Variants in GABRG3 observed in about 807,000 individuals in gnomAD.
GABRG3 encodes the protein gamma-aminobutyric acid type A receptor subunit gamma3.
In GABRG3, 25 loss-of-function variants were observed where a neutral mutation model predicts 48.8. The ratio of observed to expected loss-of-function variants is 0.51; its 90% CI spans 0.37 to 0.72. GABRG3 has a LOEUF of 0.72. Among genes scored for constraint, GABRG3 ranks in the 30% least tolerant of loss-of-function variants. The probability of loss-of-function intolerance (pLI) is 0.00; values close to 1 mark genes in which losing one functional copy is unlikely to be tolerated. For missense variants in GABRG3, 394 were observed against 577.9 expected (o/e 0.68, Z 3.26); for synonymous variants, 227 against 217.6 (o/e 1.04, Z -0.38).
intron 3 of GABRG3, among the ~76,000 whole-genome samples, chr15:27,091,329 A>C (rs1355664513): frequency 6.6e-6 from 1 of 152,220 alleles, no homozygotes; most frequent in South Asian, 2.1e-4. Context: ...GATAAATCCC[A>C]CTTGATCATG....
At chr15:27,290,808 A>C (rs1365889136) in intron 3 of GABRG3, among the ~76,000 whole-genome samples, 2 of 152,350 alleles carry the variant, frequency 1.3e-5, no homozygotes, top group East Asian at 3.9e-4. Context: ...AAATCTGAAT[A>C]AAGTATACAC....
At chr15:27,113,992 A>G (rs1897600101) in intron 3 of GABRG3, among the ~76,000 whole-genome samples, 2 of 152,260 alleles carry the variant, frequency 1.3e-5, no homozygotes, top group South Asian at 4.1e-4. Context: ...AGAGATAAAC[A>G]TATTTGATAG....
intron 5 of GABRG3, among the ~76,000 whole-genome samples, chr15:27,453,042 A>T (rs1387371449): frequency 6.6e-6 from 1 of 152,220 alleles, no homozygotes; most frequent in Non-Finnish European, 1.5e-5. Flanking sequence ...AAGCCACAGA[A>T]AGACAAATAT....
At chr15:27,393,883 A>G (rs1047333228) in intron 5 of GABRG3, among the ~76,000 whole-genome samples, 3 of 152,178 alleles carry the variant, frequency 2.0e-5, no homozygotes, top group Non-Finnish European at 4.4e-5. Flanking sequence ...TCTATGCCAG[A>G]CTTTTGACCT....
intron 3 of GABRG3, among the ~76,000 whole-genome samples, chr15:27,074,283 G>A (rs1432311692): frequency 6.6e-6 from 1 of 152,142 alleles, no homozygotes; most frequent in Non-Finnish European, 1.5e-5. Flanking sequence ...CTTACTGAGT[G>A]TTGACCAGAG....
rs575968803 is a variant in GABRG3 at position 27,160,187 on chromosome 15, G to A, written c.270+133366G>A. On this transcript the variant is annotated intron_variant, in intron 3 of 9. Transcript: ENST00000615808. ...ATCTTCTGAGGAATGTTGCATGGAA[G>A]GTAACTTTGTGAATGGGTAGAAAAT... 1.2e-4 allele frequency among the ~76,000 whole-genome samples: 18 copies of A among 152,290 alleles called. 1 individual carries two copies. The highest frequency in any genetic ancestry group is 5.2e-4 in the Admixed American group (8 of 15,294).
chr15:27,310,385 C>T (rs1440304157), intron 3 of GABRG3, among the ~76,000 whole-genome samples: 2 of 151,890 alleles, frequency 1.3e-5, no homozygotes, highest in African/African-American at 4.8e-5. Context: ...TCACTAGCAT[C>T]AAAAACATTA....
intron 5 of GABRG3, among the ~76,000 whole-genome samples, chr15:27,438,842 G>A (rs559435023): frequency 1.3e-5 from 2 of 152,284 alleles, no homozygotes; most frequent in South Asian, 4.1e-4. Flanking sequence ...GCTTGGCCCA[G>A]GGCACCATGG....
intron 5 of GABRG3, among the ~76,000 whole-genome samples, chr15:27,416,346 G>C (rs1432927706): frequency 6.6e-6 from 1 of 152,124 alleles, no homozygotes. Flanking sequence ...GGGATGCATG[G>C]CCTTTGGTGG....
chr15:27,292,910 T>C (rs934442661), intron 3 of GABRG3, among the ~76,000 whole-genome samples: 4 of 152,214 alleles, frequency 2.6e-5, no homozygotes, highest in Non-Finnish European at 5.9e-5. Context: ...GTGGGTAGAC[T>C]ACACTTTTCT....
intron 2 of GABRG3, among the ~76,000 whole-genome samples, chr15:27,017,182 C>T (rs2140672152): frequency 6.6e-6 from 1 of 152,276 alleles, no homozygotes; most frequent in Admixed American, 6.5e-5. Flanking sequence ...AGGACTTTCA[C>T]CAGTCAGCAT....
intron 3 of GABRG3, among the ~76,000 whole-genome samples, chr15:27,263,585 G>A (rs756998230): frequency 6.6e-5 from 10 of 152,166 alleles, no homozygotes; most frequent in Non-Finnish European, 1.3e-4. Context: ...CCATCTATCT[G>A]TGGGAAAATT....
At chr15:27,083,595 G>A (rs968498258) in intron 3 of GABRG3, among the ~76,000 whole-genome samples, 1 of 151,906 alleles carries the variant, frequency 6.6e-6, no homozygotes, top group Non-Finnish European at 1.5e-5. Context: ...CAAAGTGCTG[G>A]GATTACAGGC....
At chr15:27,360,273 G>T (rs1894977496) in intron 5 of GABRG3, among the ~76,000 whole-genome samples, 1 of 152,134 alleles carries the variant, frequency 6.6e-6, no homozygotes, top group African/African-American at 2.4e-5. Flanking sequence ...GCCCCACTCT[G>T]CCTGAGGCAC....
intron 6 of GABRG3, among the ~76,000 whole-genome samples, chr15:27,496,669 A>G (rs184912383): frequency 2.6e-5 from 4 of 152,286 alleles, no homozygotes; most frequent in Admixed American, 2.0e-4. Flanking sequence ...AAGTATGTAG[A>G]CTTCATCTTC....
At chr15:27,511,799 A>G (rs1233040417) in intron 6 of GABRG3, among the ~76,000 whole-genome samples, 1 of 152,256 alleles carries the variant, frequency 6.6e-6, no homozygotes, top group East Asian at 1.9e-4. Context: ...CACTGTTCAT[A>G]GATCCATTGT....
chr15:27,295,317 C>G (rs1193646513), intron 3 of GABRG3: 2 of 152,166 alleles, frequency 1.3e-5, no homozygotes, highest in Non-Finnish European at 2.9e-5. Context: ...ACTTCTCTCA[C>G]TTTAATTGGT....
intron 3 of GABRG3, among the ~76,000 whole-genome samples, chr15:27,146,977 C>T (rs1041805930): frequency 1.3e-5 from 2 of 152,020 alleles, no homozygotes; most frequent in African/African-American, 4.8e-5. Flanking sequence ...ATATTGCAGT[C>T]AAAAGGCAGA....
chr15:27,146,345 T>C (rs543673564), intron 3 of GABRG3, among the ~76,000 whole-genome samples: 17 of 152,078 alleles, frequency 1.1e-4, no homozygotes, highest in Non-Finnish European at 2.2e-4. Context: ...TAGTCCCAAC[T>C]ACTCAGGAGG....
Sources: allele counts gnomAD v4.1 joint callset (sites outside exome capture counted in the v4.1 genomes callset), GRCh38; gene constraint gnomAD v4.1.1; transcripts MANE v1.5; gene names NCBI Gene and HGNC (gene_info 2026-07-23, HGNC 2026-07-21).